Variants in THAP6 observed in about 807,000 individuals in gnomAD.
THAP6 encodes THAP domain-containing protein 6.
Under a neutral mutation model 20.0 loss-of-function variants are expected in THAP6, and 13 were observed. The observed-to-expected ratio is 0.65, with a 90% CI of 0.42 to 1.03. The LOEUF (loss-of-function observed/expected upper bound fraction) is 1.03. Ranked by LOEUF, THAP6 falls within the 50% of genes least tolerant of loss-of-function variation. The pLI is 0.00. For missense variants in THAP6, 262 were observed against 261.6 expected (o/e 1.00, Z -0.01); for synonymous variants, 93 against 92.2 (o/e 1.01, Z -0.05).
chr4:75,522,877 A>G (rs544473593), intron 4 of THAP6, among the ~76,000 whole-genome samples: 3 of 152,222 alleles, frequency 2.0e-5, no homozygotes, highest in East Asian at 3.9e-4. Context: ...AATATCGGCT[A>G]TTGTGAACAG....
At chr4:75,531,470 C>A (rs1262056042), downstream of THAP6, among the ~76,000 whole-genome samples, 1 of 152,164 alleles carries the variant, frequency 6.6e-6, no homozygotes, top group Non-Finnish European at 1.5e-5. Flanking sequence ...GCCTTGAGTA[C>A]AACTATATGC....
chr4:75,532,950 A>G (rs899197710), downstream of THAP6, among the ~76,000 whole-genome samples: 1 of 152,220 alleles, frequency 6.6e-6, no homozygotes, highest in African/African-American at 2.4e-5. Context: ...AAGATCGCTG[A>G]CATGCCCTGG....
intron 3 of THAP6, among the ~76,000 whole-genome samples, chr4:75,546,672 A>T (rs550578399): frequency 4.1e-4 from 63 of 152,308 alleles, no homozygotes; most frequent in South Asian, 1.4e-3. Context: ...CAAAATCTAC[A>T]GGGTAGGCCA....
intron 1 of THAP6, 150 bp from the exon 2 acceptor site, chr4:75,515,283 A>G (rs1010307428): frequency 9.7e-5 from 62 of 639,304 alleles, no homozygotes; most frequent in Non-Finnish European, 1.4e-4. Context: ...GGCCCTGGAA[A>G]ATGATGTAAG....
intron 1 of THAP6, 115 bp from the exon 2 acceptor site, chr4:75,515,318 A>T (rs1286635237): frequency 1.1e-6 from 1 of 899,428 alleles, no homozygotes; most frequent in East Asian, 2.6e-5. Flanking sequence ...TTAGAAGAAG[A>T]TATTTGTCTT....
intron 2 of THAP6, among the ~76,000 whole-genome samples, chr4:75,535,673 T>C (rs752865596): frequency 6.6e-6 from 1 of 152,222 alleles, no homozygotes; most frequent in African/African-American, 2.4e-5. Flanking sequence ...AGATTTACTA[T>C]GGTATTAACC....
At position 75,527,713 on chromosome 4, in the gene THAP6, G is replaced by C; in HGVS notation, c.*499G>C. On this transcript the variant is annotated 3_prime_UTR_variant, in exon 5 of 5. Coordinates refer to ENST00000311638, the MANE Select transcript of THAP6 (RefSeq NM_144721.6). ...GCTTTAGCTATCAGTAGTACCAAAG[G>C]ATCTTTTTACAAGGCTTCCTGTGGT... is the stretch of plus-strand genomic sequence containing the variant. 1 of 989,320 alleles carries C rather than the reference G, an allele frequency of 1.0e-6. No homozygotes were observed. The highest frequency in any genetic ancestry group is 1.2e-6 in the Non-Finnish European group (1 of 832,274). 61.3% of individuals were successfully genotyped at this position (989,320 alleles called of 1,614,324 possible).
chr4:75,521,968 G>T, intron 4 of THAP6, 107 bp downstream of exon 4: 1 of 1,341,564 alleles, frequency 7.5e-7, no homozygotes, highest in East Asian at 2.3e-5. Context: ...GGGTTAATAT[G>T]TAATATCTAC....
At chr4:75,543,838 G>A in intron 3 of THAP6, among the ~76,000 whole-genome samples, 1 of 152,166 alleles carries the variant, frequency 6.6e-6, no homozygotes, top group East Asian at 1.9e-4. Context: ...ATCGCTTCGT[G>A]TACATTTGTT....
intron 3 of THAP6, among the ~76,000 whole-genome samples, chr4:75,519,743 C>G (rs1380626646): frequency 7.9e-5 from 12 of 151,714 alleles, no homozygotes; most frequent in South Asian, 2.1e-4. Context: ...GGACATTTGG[C>G]TTGGTTCCAA....
chr4:75,531,886 G>C (rs776795192), downstream of THAP6, among the ~76,000 whole-genome samples: 1 of 151,576 alleles, frequency 6.6e-6, no homozygotes, highest in Non-Finnish European at 1.5e-5. Context: ...TCTCCCACTG[G>C]GTCTCTCCCA....
rs540893380 is a variant in THAP6 at position 75,541,624 on chromosome 4, G to A, written c.166-785G>A. On this transcript the variant is annotated intron_variant, in intron 2 of 4. Coordinates refer to the THAP6 transcript ENST00000502620. ...AAGGAGAATAAAAAAAGGAAAGAAGGGAGGAAAAGAAAATTATAATAACAG... is the reference window on the plus strand; with the variant it reads ...AAGGAGAATAAAAAAAGGAAAGAAGAGAGGAAAAGAAAATTATAATAACAG... Among the ~76,000 whole-genome samples the A allele has an allele frequency of 4.6e-5, 7 of 152,002 alleles. No homozygotes were observed. The East Asian group carries it at 9.7e-4, about 21-fold the overall frequency.
At chr4:75,516,225 T>C (rs934396680) in intron 2 of THAP6, among the ~76,000 whole-genome samples, 2 of 152,232 alleles carry the variant, frequency 1.3e-5, no homozygotes, top group Non-Finnish European at 2.9e-5. Flanking sequence ...GAGTAAGATA[T>C]GGCTATTAGG....
chr4:75,526,062 A>G (rs753783447), intron 4 of THAP6, among the ~76,000 whole-genome samples: 1 of 152,052 alleles, frequency 6.6e-6, no homozygotes, highest in East Asian at 1.9e-4. Context: ...GTTTTGCACT[A>G]CCTCCTCAGC....
chr4:75,536,463 T>TA lies in THAP6; in HGVS notation c.166-5937dup, dbSNP rs1259176504. 9.5e-4 allele frequency among the ~76,000 whole-genome samples: 143 copies of TA among 150,896 alleles called. No individual in the cohort carries two copies. In the Middle Eastern group the frequency reaches 0.01, roughly 11 times the overall value. ...TGGGCAACAAGAGCAAAACTCCATC[T>TA]AAAAAAAAAGAGAGAAGCCCAATCA... is the stretch of plus-strand genomic sequence containing the variant. On this transcript the variant is annotated intron_variant, in intron 2 of 4. Transcript: ENST00000502620.
chr4:75,530,465 A>G (rs1726646558), downstream of THAP6, among the ~76,000 whole-genome samples: 1 of 152,150 alleles, frequency 6.6e-6, no homozygotes, highest in Non-Finnish European at 1.5e-5. Context: ...AGGCCCCTGA[A>G]TTTCATAAGT....
At chr4:75,525,331 T>TTC (rs1726296028) in intron 4 of THAP6, among the ~76,000 whole-genome samples, 3 of 152,182 alleles carry the variant, frequency 2.0e-5, no homozygotes, top group Non-Finnish European at 2.9e-5. Context: ...CTATCTCCTT[T>TTC]TCTCTCTGTA....
At chr4:75,525,812 A>G (rs1726326631) in intron 4 of THAP6, among the ~76,000 whole-genome samples, 1 of 152,154 alleles carries the variant, frequency 6.6e-6, no homozygotes, top group South Asian at 2.1e-4. Flanking sequence ...AGTGTCCATG[A>G]ATCTTGACAT....
chr4:75,514,082 G>C, upstream of THAP6: 3 of 1,481,732 alleles, frequency 2.0e-6, no homozygotes, highest in Non-Finnish European at 2.7e-6. Context: ...GGTGGAAAAG[G>C]TATCCTGAAA....
Sources: allele counts gnomAD v4.1 joint callset (sites outside exome capture counted in the v4.1 genomes callset), GRCh38; gene constraint gnomAD v4.1.1; transcripts MANE v1.5; gene names NCBI Gene and HGNC (gene_info 2026-07-23, HGNC 2026-07-21).